The following ZBTB37 variants were observed in gnomAD, a reference collection of about 807,000 sequenced individuals.
The protein encoded by ZBTB37 is zinc finger and BTB domain containing 37, also known as zinc finger and BTB domain-containing protein 37.
In ZBTB37, 15 loss-of-function variants were observed where a neutral mutation model predicts 37.7. The ratio of observed to expected loss-of-function variants is 0.40; its 90% CI spans 0.27 to 0.61. ZBTB37 has a LOEUF of 0.61. Ranked by LOEUF, ZBTB37 falls within the 20% of genes least tolerant of loss-of-function variation. The pLI, the probability that ZBTB37 is intolerant of heterozygous loss-of-function variation, is 0.44. For missense variants in ZBTB37, 514 were observed against 641.9 expected (o/e 0.80, Z 2.15); for synonymous variants, 231 against 220.6 (o/e 1.05, Z -0.42).
At chr1:173,884,554 C>T (rs1428810341) in intron 4 of ZBTB37, among the ~76,000 whole-genome samples, 1 of 152,178 alleles carries the variant, frequency 6.6e-6, no homozygotes, top group Non-Finnish European at 1.5e-5. Flanking sequence ...AGACAATTTA[C>T]TCTGAAGTCA....
intron 4 of ZBTB37, among the ~76,000 whole-genome samples, chr1:173,876,728 G>A (rs188045868): frequency 1.1e-4 from 16 of 152,276 alleles, no homozygotes; most frequent in Admixed American, 3.9e-4. Flanking sequence ...TAGGAGCTTG[G>A]AGGAAAGGTA....
rs367970109 is a variant in ZBTB37, at chr1:173,875,331, T to TATATATA, written c.1023+1765_1023+1766insATATATA. On this transcript the variant is annotated intron_variant, in intron 4 of 4. Transcript: ENST00000427304. ...ATATATGTGTGCATATATATATATA[T>TATATATA]TTTTTTTTTTTTTTGAGGCAGTCTT... 9.5e-3 allele frequency among the ~76,000 whole-genome samples: 1,258 copies of TATATATA among 132,242 alleles called. 20 individuals are homozygous for TATATATA. The highest frequency in any genetic ancestry group is 0.032 in the African/African-American group (1,122 of 34,620). The allele number at this position is 132,242 out of a possible 152,430, so 86.8% of individuals were successfully genotyped here.
chr1:173,884,201 G>C (rs1036859850), intron 4 of ZBTB37, among the ~76,000 whole-genome samples: 11 of 151,104 alleles, frequency 7.3e-5, no homozygotes, highest in African/African-American at 1.7e-4. Flanking sequence ...ACCCAGCCTG[G>C]AGTGCAGTGG....
intron 4 of ZBTB37, among the ~76,000 whole-genome samples, chr1:173,884,398 T>C (rs574921340): frequency 1.6e-3 from 247 of 152,226 alleles, no homozygotes; most frequent in African/African-American, 5.7e-3. Context: ...GCTCAAGTTA[T>C]TCTCCCACCT....
chr1:173,885,272 C>T (rs945692469), intron 4 of ZBTB37, among the ~76,000 whole-genome samples: 1 of 152,092 alleles, frequency 6.6e-6, no homozygotes, highest in Admixed American at 6.5e-5. Flanking sequence ...CCAGCACTGC[C>T]TAAGTATTTG....
intron 4 of ZBTB37, among the ~76,000 whole-genome samples, chr1:173,884,654 T>G (rs1656521968): frequency 6.6e-6 from 1 of 152,102 alleles, no homozygotes; most frequent in Non-Finnish European, 1.5e-5. Flanking sequence ...CACCTACAAA[T>G]TGTATACATT....
intron 2 of ZBTB37, among the ~76,000 whole-genome samples, chr1:173,869,683 T>C (rs115750994): frequency 0.034 from 5,146 of 152,324 alleles, 126 homozygotes; most frequent in Non-Finnish European, 0.052. Context: ...CTTAGAAATA[T>C]TAGCCTACAT....
rs751919801 is a variant in ZBTB37, at chr1:173,896,418, A to G, written c.*10294A>G. ...CAGGGAATGAAAAATCTTAATGATG[A>G]TCTATGGAAATGTCTCTCATTCTCT... On this transcript the variant is annotated 3_prime_UTR_variant, in exon 4 of 4. Transcript: ENST00000367701. 5 of 152,196 alleles carry G rather than the reference A, an allele frequency of 3.3e-5. No individual in the cohort carries two copies. The East Asian group carries it at 9.6e-4, about 29-fold the overall frequency. The allele number at this position is 152,196 out of a possible 1,614,324, so 9.4% of individuals were successfully genotyped here.
exon 3 of ZBTB37, chr1:173,870,530 A>G (rs1557881206): frequency 6.2e-7 from 1 of 1,614,236 alleles, no homozygotes. Context: ...ATCATCAGCT[A>G]CCTAACAGCT....
At chr1:173,885,604 T>C in intron 4 of ZBTB37, 32 bp from the exon 5 acceptor site, 2 of 1,493,600 alleles carry the variant, frequency 1.3e-6, no homozygotes, top group Middle Eastern at 1.7e-4. Flanking sequence ...TAATATTTGT[T>C]CTTTCTTGGT....
intron 4 of ZBTB37, among the ~76,000 whole-genome samples, chr1:173,879,007 T>A (rs1048753511): frequency 6.6e-6 from 1 of 151,538 alleles, no homozygotes. Context: ...AGGAGAATCG[T>A]TTGAACCCGG....
intron 4 of ZBTB37, among the ~76,000 whole-genome samples, chr1:173,875,245 A>G (rs896935952): frequency 2.0e-5 from 3 of 148,904 alleles, no homozygotes; most frequent in Non-Finnish European, 4.4e-5. Flanking sequence ...TATATATACT[A>G]TGCGTAGTAT....
chr1:173,873,084 A>G (rs980830304), intron 3 of ZBTB37, among the ~76,000 whole-genome samples: 6 of 152,316 alleles, frequency 3.9e-5, no homozygotes, highest in Admixed American at 6.5e-5. Flanking sequence ...AGTCTAAAAT[A>G]CAGATTATTA....
exon 4 of ZBTB37, chr1:173,902,878 C>T (rs1657323220): frequency 6.6e-6 from 1 of 152,104 alleles, no homozygotes; most frequent in Admixed American, 6.6e-5. Flanking sequence ...TTAAGTGGCC[C>T]CCACTCCATG....
chr1:173,896,930 G>T (rs1334376894), exon 4 of ZBTB37: 1 of 152,150 alleles, frequency 6.6e-6, no homozygotes, highest in Non-Finnish European at 1.5e-5. Flanking sequence ...CTCTAGAATG[G>T]CTATCTGTTA....
exon 5 of ZBTB37, chr1:173,886,399 A>G (rs906749511): frequency 9.3e-6 from 4 of 431,386 alleles, no homozygotes; most frequent in African/African-American, 2.0e-5. Context: ...TATAAGAAAA[A>G]AGGTTTTTTA....
chr1:173,871,156 TG>T lies in ZBTB37; in HGVS notation c.923+10del, dbSNP rs1178518961. 4 of 1,569,528 alleles carry T rather than the reference TG, an allele frequency of 2.5e-6. No individual in the cohort carries two copies. The highest frequency in any genetic ancestry group is 3.5e-6 in the Non-Finnish European group (4 of 1,158,356). On this transcript the variant is annotated intron_variant, in intron 3 of 4. Coordinates refer to ENST00000427304, the Ensembl canonical transcript of ZBTB37. ...AAGCAGTGAAGTTGACAGGTAGGTTTGGTTTGGTTTGGTTTTCCCATGTAAT... is the reference window on the plus strand; with the variant it reads ...AAGCAGTGAAGTTGACAGGTAGGTTTGTTTGGTTTGGTTTTCCCATGTAAT...
intron 4 of ZBTB37, among the ~76,000 whole-genome samples, chr1:173,881,722 T>C (rs1462131714): frequency 1.3e-5 from 2 of 152,182 alleles, no homozygotes; most frequent in Admixed American, 1.3e-4. Context: ...TGAGCATTTT[T>C]TCATGTGTCT....
Position 173,873,367 on chromosome 1 carries a change from C to T in ZBTB37, c.924-100C>T, listed in dbSNP as rs576406166. 2.1e-4 allele frequency: 263 copies of T among 1,265,120 alleles called. 5 individuals are homozygous for T. The South Asian group carries it at 4.3e-3, about 21-fold the overall frequency. The allele number at this position is 1,265,120 out of a possible 1,614,324, so 78.4% of individuals were successfully genotyped here. A position where few individuals can be genotyped will look rare whatever the true frequency, so the allele number is the denominator to read the frequency against. ...AGTTATTTGTTGCTTGGTTTGTTCC[C>T]CCTTCCTCAGCCATAGAATAAAGAG... On this transcript the variant is annotated intron_variant, in intron 3 of 4. Coordinates refer to ENST00000427304, the Ensembl canonical transcript of ZBTB37.
Sources: allele counts gnomAD v4.1 joint callset (sites outside exome capture counted in the v4.1 genomes callset), GRCh38; gene constraint gnomAD v4.1.1; transcripts MANE v1.5; gene names NCBI Gene and HGNC (gene_info 2026-07-23, HGNC 2026-07-21).